The following KCNQ1 variants were observed in gnomAD, a reference collection of about 807,000 sequenced individuals.
KCNQ1 encodes potassium voltage-gated channel subfamily Q member 1.
Under a neutral mutation model 72.4 loss-of-function variants are expected in KCNQ1, and 49 were observed. The observed-to-expected ratio is 0.68, with a 90% CI of 0.54 to 0.86. The LOEUF is 0.86. Ranked by LOEUF, KCNQ1 falls within the 40% of genes least tolerant of loss-of-function variation. The pLI is 0.00. For synonymous variants in KCNQ1, 450 were observed against 412.6 expected, an observed-to-expected ratio of 1.09 and a Z score of -1.10; for missense variants, 790 against 945.1, an observed-to-expected ratio of 0.84 and a Z score of 2.15.
In KCNQ1 at chr11:2,507,307, A is replaced by C. The variant is rs551121081; in HGVS notation, c.387-20621A>C. Among the ~76,000 whole-genome samples the C allele has an allele frequency of 6.6e-6, 1 of 152,286 alleles. No individual in the cohort carries two copies. Among genetic ancestry groups the C allele is most frequent in the African/African-American group, 2.4e-5 (1 of 41,544 alleles). ...CACCCCACTGGCTGGGGCCTTCACG[A>C]GGCCCCTCTGGCCTCTAAGTGGAGC... On this transcript the variant is annotated intron_variant, in intron 1 of 15. Transcript: ENST00000155840. The surrounding 1 kb of genome is among the most constrained non-coding windows in gnomAD (Gnocchi z 5.4).
chr11:2,701,383 C>T (rs1850811416), intron 11 of KCNQ1, among the ~76,000 whole-genome samples: 2 of 152,306 alleles, frequency 1.3e-5, no homozygotes, highest in South Asian at 2.1e-4. Context: ...ATCCCCTGGG[C>T]GCCTGTCCCT....
At chr11:2,583,663 C>G (rs1366048376) in intron 7 of KCNQ1, 118 bp downstream of exon 7, 18 of 781,312 alleles carry the variant, frequency 2.3e-5, no homozygotes, top group East Asian at 5.1e-5. Flanking sequence ...GGGTGCTTCC[C>G]TTCTAGAAGG....
At chr11:2,841,731 A>G (rs1848216568) in intron 15 of KCNQ1, among the ~76,000 whole-genome samples, 1 of 152,186 alleles carries the variant, frequency 6.6e-6, no homozygotes, top group Non-Finnish European at 1.5e-5. Flanking sequence ...TCGTGTGGTG[A>G]CGATCTTGAG....
In KCNQ1 at chr11:2,621,674, T is replaced by C. The variant is rs987131499; in HGVS notation, c.1393+32820T>C. The C allele has an allele frequency of 1.3e-5, 5 of 398,406 alleles. No individual in the cohort carries two copies. The highest frequency in any genetic ancestry group is 2.2e-5 in the Non-Finnish European group (5 of 226,040). The allele number at this position is 398,406 out of a possible 1,614,324, so 24.7% of individuals were successfully genotyped here. Reference sequence around the variant, plus strand: ...GGTTATCCAATTTGTTGGGATATAATTGTTCATAAAAGTCCCTTATGATCC... The same window carrying C: ...GGTTATCCAATTTGTTGGGATATAACTGTTCATAAAAGTCCCTTATGATCC... On this transcript the variant is annotated intron_variant, in intron 10 of 15. Transcript: ENST00000155840. The surrounding 1 kb of genome is among the most constrained non-coding windows in gnomAD (Gnocchi z 5.7).
chr11:2,716,317 C>T (rs970366882), intron 11 of KCNQ1, among the ~76,000 whole-genome samples: 5 of 152,118 alleles, frequency 3.3e-5, no homozygotes, highest in South Asian at 2.1e-4. Context: ...AGATGTGCTG[C>T]GGCTCTCAAG....
chr11:2,578,714 T>C (rs1051426754), intron 6 of KCNQ1, among the ~76,000 whole-genome samples: 2 of 152,210 alleles, frequency 1.3e-5, no homozygotes, highest in African/African-American at 4.8e-5. Context: ...TGAGCTTGGG[T>C]GCTGCGCTCT....
chr11:2,628,204 A>C, intron 10 of KCNQ1: 1 of 398,624 alleles, frequency 2.5e-6, no homozygotes, highest in Non-Finnish European at 4.4e-6. Context: ...TTTTTAAAGA[A>C]AATCTATCGT....
In KCNQ1 at chr11:2,602,918, G is replaced by T. The variant is rs1229263177; in HGVS notation, c.1393+14064G>T. On this transcript the variant is annotated intron_variant, in intron 10 of 15. Transcript: ENST00000155840. The surrounding 1 kb of genome is among the most constrained non-coding windows in gnomAD (Gnocchi z 4.8). The stretch of plus-strand genomic sequence containing the variant: ...TTACAGAGCAAACATTTTAAATTTT[G>T]ATGAGATTCAATGTTTCCTTTTTAT... Among the ~76,000 whole-genome samples the T allele has an allele frequency of 6.6e-6, 1 of 152,156 alleles. No homozygotes were observed. Among genetic ancestry groups the T allele is most frequent in the Non-Finnish European group, 1.5e-5 (1 of 68,024 alleles).
Position 2,657,297 on chromosome 11 carries a change from G to T in KCNQ1, c.1394-4664G>T, listed in dbSNP as rs1408867710. Reference sequence around the variant, plus strand: ...ATTAAGATTTGGAGAGATTTATTCAGATTTTGAGATAATCTTTTCAGTATT... The same window carrying T: ...ATTAAGATTTGGAGAGATTTATTCATATTTTGAGATAATCTTTTCAGTATT... On this transcript the variant is annotated intron_variant, in intron 10 of 15. Transcript: ENST00000155840. The surrounding 1 kb of genome is among the most constrained non-coding windows in gnomAD (Gnocchi z 4.8). The T allele has an allele frequency of 7.5e-6, 3 of 398,480 alleles. No individual in the cohort carries two copies. The highest frequency in any genetic ancestry group is 1.3e-5 in the Non-Finnish European group (3 of 226,058). 24.7% of individuals were successfully genotyped at this position (398,480 alleles called of 1,614,324 possible).
intron 10 of KCNQ1, among the ~76,000 whole-genome samples, chr11:2,594,359 T>G (rs1260319188): frequency 1.3e-5 from 2 of 152,210 alleles, no homozygotes; most frequent in Non-Finnish European, 2.9e-5. Context: ...CTTTTGACTT[T>G]AGTGTTCAGA....
chr11:2,665,324 TAG>T (rs1850047090), intron 11 of KCNQ1: 1 of 398,022 alleles, frequency 2.5e-6, no homozygotes, highest in Non-Finnish European at 4.4e-6. Flanking sequence ...AGGTGGGAAG[TAG>T]AGACTGTAGG....
chr11:2,667,555 C>T, intron 11 of KCNQ1: 1 of 318,004 alleles, frequency 3.1e-6, no homozygotes. Flanking sequence ...GTCATGGAGA[C>T]ACTTCTGGCA....
In KCNQ1 at chr11:2,462,236, G is replaced by A. The variant is rs1377625030; in HGVS notation, c.386+16752G>A. Among the ~76,000 whole-genome samples, 1 of 152,190 alleles carries A rather than the reference G, an allele frequency of 6.6e-6. No homozygotes were observed. The highest frequency in any genetic ancestry group is 6.5e-5 in the Admixed American group (1 of 15,288). On this transcript the variant is annotated intron_variant, in intron 1 of 15. Coordinates refer to ENST00000155840, the MANE Select transcript of KCNQ1 (RefSeq NM_000218.3). This position sits in a 1 kb window ranked among gnomAD's most constrained non-coding sequence, Gnocchi z 8.2. Reference sequence around the variant, plus strand: ...GTGGGTCTTCATGGCTGTTCTTGGGGCTGCCAGGCCTGCAAGGTAGACAGG... The same window carrying A: ...GTGGGTCTTCATGGCTGTTCTTGGGACTGCCAGGCCTGCAAGGTAGACAGG...
chr11:2,584,429 G>T (rs1335457741), intron 7 of KCNQ1, among the ~76,000 whole-genome samples: 8 of 150,786 alleles, frequency 5.3e-5, no homozygotes, highest in South Asian at 2.1e-4. Flanking sequence ...TAGTGTGTGT[G>T]TTAGTGTGCG....
chr11:2,499,447 C>T (rs1388047549), intron 1 of KCNQ1, among the ~76,000 whole-genome samples: 1 of 151,918 alleles, frequency 6.6e-6, no homozygotes, highest in Admixed American at 6.6e-5. Context: ...AAGAGTGAGT[C>T]CTTACGTATC....
intron 2 of KCNQ1, among the ~76,000 whole-genome samples, chr11:2,528,389 G>A (rs1847547449): frequency 6.6e-6 from 1 of 152,206 alleles, no homozygotes; most frequent in Admixed American, 6.5e-5. Flanking sequence ...CTCTGTTCCT[G>A]GGTTATGGCT....
In KCNQ1 at chr11:2,804,259, G is replaced by A. The variant is rs750008432; in HGVS notation, c.1794+26222G>A. Among the ~76,000 whole-genome samples, 7 of 151,964 alleles carry A rather than the reference G, an allele frequency of 4.6e-5. 1 individual carries two copies. The highest frequency in any genetic ancestry group is 1.9e-4 in the East Asian group (1 of 5,186). ...CTCCACCGAGCCCTGCAAATGCCTCGGCACATCAGCAAGCACAGGCCTCCT... is the reference window on the plus strand; with the variant it reads ...CTCCACCGAGCCCTGCAAATGCCTCAGCACATCAGCAAGCACAGGCCTCCT... On this transcript the variant is annotated intron_variant, in intron 15 of 15. Transcript: ENST00000155840.
chr11:2,506,978 T>A (rs537935760), intron 1 of KCNQ1, among the ~76,000 whole-genome samples: 1 of 152,250 alleles, frequency 6.6e-6, no homozygotes, highest in Non-Finnish European at 1.5e-5. Flanking sequence ...TCTGGACTAA[T>A]GTGAATTGTT....
chr11:2,719,501 A>C (rs112406628), intron 11 of KCNQ1, among the ~76,000 whole-genome samples: 71 of 141,668 alleles, frequency 5.0e-4, no homozygotes, highest in African/African-American at 1.7e-3. Flanking sequence ...ACAAACAAAC[A>C]AAAAAAAAAA....
Sources: gnomAD v4.1 joint callset for allele counts (sites outside exome capture counted in the v4.1 genomes callset) on GRCh38, gnomAD v4.1.1 for gene constraint, Gnocchi (gnomAD v3.1) non-coding constraint, MANE v1.5 for transcripts, NCBI Gene and HGNC (gene_info 2026-07-23, HGNC 2026-07-21) for gene names.